Variants in ADAMTS10 observed in about 807,000 individuals in gnomAD.
The protein encoded by ADAMTS10 is ADAM metallopeptidase with thrombospondin type 1 motif 10.
Under a neutral mutation model 135.9 loss-of-function variants are expected in ADAMTS10, and 48 were observed. That is an observed-to-expected ratio of 0.35 (90% CI 0.28 to 0.45). ADAMTS10 has a LOEUF of 0.45. ADAMTS10 is among the 20% of genes least tolerant of loss of function. The probability of loss-of-function intolerance (pLI) is 1.00; values close to 1 mark genes in which losing one functional copy is unlikely to be tolerated. For missense variants in ADAMTS10, 1,131 were observed against 1,565.2 expected (o/e 0.72, Z 4.68); for synonymous variants, 621 against 647.5 (o/e 0.96, Z 0.62).
At chr19:8,584,109 A>T (rs375037924) in intron 25 of ADAMTS10, among the ~76,000 whole-genome samples, 1 of 147,292 alleles carries the variant, frequency 6.8e-6, no homozygotes, top group African/African-American at 2.5e-5. Context: ...GTGAGCCGAG[A>T]TCAGGTCACT....
chr19:8,604,482 T>A (rs191872751), intron 4 of ADAMTS10, among the ~76,000 whole-genome samples: 74 of 147,666 alleles, frequency 5.0e-4, no homozygotes, highest in South Asian at 1.7e-3. Flanking sequence ...ATATAAAAAA[T>A]ATATATATAT....
At chr19:8,582,106 T>C (rs1488927284) in intron 25 of ADAMTS10, among the ~76,000 whole-genome samples, 3 of 152,234 alleles carry the variant, frequency 2.0e-5, no homozygotes, top group Admixed American at 6.5e-5. Flanking sequence ...CTTTCCATTG[T>C]TCCTTTTCAT....
At chr19:8,588,292 C>T (rs1317113123) in intron 18 of ADAMTS10, among the ~76,000 whole-genome samples, 4 of 151,662 alleles carry the variant, frequency 2.6e-5, no homozygotes, top group African/African-American at 7.3e-5. Flanking sequence ...CCCTAGGTTG[C>T]CCAGGCTGGT....
Position 8,585,252 on chromosome 19 carries a change from T to C in ADAMTS10, c.2922A>G (p.Ala974=), listed in dbSNP as rs1013778945. The C allele has an allele frequency of 6.7e-7, 1 of 1,488,792 alleles. No homozygotes were observed. Among genetic ancestry groups the C allele is most frequent in the Non-Finnish European group, 8.9e-7 (1 of 1,117,430 alleles). The allele number at this position is 1,488,792 out of a possible 1,614,324, so 92.2% of individuals were successfully genotyped here. A position where few individuals can be genotyped will look rare whatever the true frequency, so the allele number is the denominator to read the frequency against. ...CCGGGGGCAGCGTGGCGCGGTGGTC[T>C]GCGCTCTTGCAAAGGACCACGCGGT... ...LRHRVVLCKS[A]DHRATLPPAH... is the part of the protein sequence containing the mutation. The change falls in exon 24 of 26, where the codon GCA becomes GCG. Residue 974 remains alanine (A), a synonymous_variant. Coordinates refer to ENST00000597188, the MANE Select transcript of ADAMTS10 (RefSeq NM_030957.4).
rs557808737 is a variant in ADAMTS10, at chr19:8,589,446, C to T, written c.2034+6G>A. On this transcript the variant is annotated splice_donor_region_variant and intron_variant, in intron 17 of 25. Coordinates refer to ENST00000597188, the MANE Select transcript of ADAMTS10 (RefSeq NM_030957.4). ...CCCTCTCCACCTCCCTGGGAGTCCC[C>T]TCCACCTTGCATTCGCCACTGACGC... The T allele has an allele frequency of 1.1e-5, 18 of 1,613,636 alleles. No individual in the cohort carries two copies. Among genetic ancestry groups the T allele is most frequent in the African/African-American group, 2.7e-5 (2 of 75,030 alleles).
At chr19:8,606,781 G>C (rs1555742674) in intron 2 of ADAMTS10, among the ~76,000 whole-genome samples, 2 of 152,140 alleles carry the variant, frequency 1.3e-5, no homozygotes, top group Non-Finnish European at 2.9e-5. Context: ...GTGGACGGGG[G>C]CATGACAGCC....
intron 25 of ADAMTS10, among the ~76,000 whole-genome samples, chr19:8,581,600 C>T (rs1555735888): frequency 6.6e-6 from 1 of 151,496 alleles, no homozygotes; most frequent in African/African-American, 2.4e-5. Context: ...TTTGGGAGGC[C>T]GAGGCAGGTG....
Position 8,589,573 on chromosome 19 carries a change from G to A in ADAMTS10, c.1913C>T (p.Ala638Val), listed in dbSNP as rs1555738350. The change falls in exon 17 of 26, where the codon GCC (alanine) becomes GTC (valine). Residue 638 changes from alanine (A) to valine (V), a missense_variant. By Grantham distance (64) the Ala-to-Val change is moderately conservative. This residue lies in a region of ADAMTS10 where 745 missense variants were observed against 1,056.3 expected (regional missense o/e 0.71). Transcript: ENST00000597188. The part of the protein sequence containing the change: ...WKTYRGGGVK[A>V]CSLTCLAEGF... ...TTCCGCTAGGCACGTGAGCGAGCAGGCCTTCACGCCCCCTGGGGGGCACGG... is the reference window on the plus strand; with the variant it reads ...TTCCGCTAGGCACGTGAGCGAGCAGACCTTCACGCCCCCTGGGGGGCACGG... 5 of 1,613,282 alleles carry A rather than the reference G, an allele frequency of 3.1e-6. No homozygotes were observed. The highest frequency in any genetic ancestry group is 1.7e-5 in the Admixed American group (1 of 59,998).
chr19:8,593,953 G>T (rs914906219), intron 12 of ADAMTS10, among the ~76,000 whole-genome samples: 9 of 152,196 alleles, frequency 5.9e-5, no homozygotes, highest in African/African-American at 2.2e-4. Context: ...CTGTACATAT[G>T]TAAGAAGCTG....
rs2042666064 is a variant in ADAMTS10 at position 8,601,168 on chromosome 19, T to G, written c.593-23A>C. ...CATCTGGGGAACCCAGTAGAGCAAT[T>G]AAGCCCTGCCCTGCTGGTGGGACGC... On this transcript the variant is annotated intron_variant, in intron 5 of 25. Coordinates refer to ENST00000597188, the MANE Select transcript of ADAMTS10 (RefSeq NM_030957.4). The surrounding 1 kb of genome is among the most constrained non-coding windows in gnomAD (Gnocchi z 4.6). 1 of 1,610,738 alleles carries G rather than the reference T, an allele frequency of 6.2e-7. No individual in the cohort carries two copies. Among genetic ancestry groups the G allele is most frequent in the Non-Finnish European group, 8.5e-7 (1 of 1,179,674 alleles).
intron 13 of ADAMTS10, chr19:8,592,318 G>T: frequency 1.1e-6 from 1 of 925,998 alleles, no homozygotes; most frequent in Non-Finnish European, 1.6e-6. Flanking sequence ...AGCACAGGGT[G>T]CTTAACGGGG....
chr19:8,600,559 C>T (rs1484448596), intron 6 of ADAMTS10, among the ~76,000 whole-genome samples: 9 of 143,934 alleles, frequency 6.3e-5, no homozygotes, highest in Admixed American at 2.1e-4. Flanking sequence ...AGTGCAGTGG[C>T]GTGATCTTGG....
chr19:8,601,303 A>G lies in ADAMTS10; in HGVS notation c.593-158T>C, dbSNP rs2042667224. ...TGCTGCCTTCTCTTGTTGTCCAGCT[A>G]CCTGTGTGATGGTCTGTCTGCCCAA... On this transcript the variant is annotated intron_variant, in intron 5 of 25. Transcript: ENST00000597188. This position sits in a 1 kb window ranked among gnomAD's most constrained non-coding sequence, Gnocchi z 4.6. 6.6e-6 allele frequency among the ~76,000 whole-genome samples: 1 copy of G among 150,968 alleles called. No homozygotes were observed. Among genetic ancestry groups the G allele is most frequent in the Admixed American group, 6.6e-5 (1 of 15,188 alleles).
chr19:8,599,309 A>G (rs1172306959), intron 6 of ADAMTS10, among the ~76,000 whole-genome samples: 1 of 144,096 alleles, frequency 6.9e-6, no homozygotes, highest in Non-Finnish European at 1.5e-5. Flanking sequence ...CTCAACGAGT[A>G]CCTGTGAGCT....
chr19:8,581,090 A>AG (rs1285553265), intron 25 of ADAMTS10, 88 bp from the exon 26 acceptor site: 4 of 630,882 alleles, frequency 6.3e-6, no homozygotes, highest in Non-Finnish European at 7.7e-6. Context: ...CTTCCTGGCC[A>AG]GTGACTTTCT....
chr19:8,586,053 C>A (rs949522594), intron 22 of ADAMTS10, 69 bp downstream of exon 22: 1 of 1,609,192 alleles, frequency 6.2e-7, no homozygotes. Flanking sequence ...CCCCCTGGAG[C>A]ACTCGCTCTT....
At chr19:8,603,366 C>T (rs1225749756) in intron 5 of ADAMTS10, among the ~76,000 whole-genome samples, 1 of 152,148 alleles carries the variant, frequency 6.6e-6, no homozygotes, top group Non-Finnish European at 1.5e-5. Flanking sequence ...CCTCTGCCTC[C>T]CGGGTTCAAG....
intron 25 of ADAMTS10, among the ~76,000 whole-genome samples, chr19:8,582,161 G>A (rs919632702): frequency 6.6e-5 from 10 of 151,926 alleles, no homozygotes; most frequent in Admixed American, 1.3e-4. Flanking sequence ...ATCCTCACTC[G>A]TTTTCTTTTT....
intron 2 of ADAMTS10, among the ~76,000 whole-genome samples, chr19:8,606,980 G>T (rs1211785314): frequency 6.6e-6 from 1 of 152,146 alleles, no homozygotes; most frequent in Non-Finnish European, 1.5e-5. Context: ...AGAGACAGGC[G>T]AAGGTGCACC....
Sources: allele counts gnomAD v4.1 joint callset (sites outside exome capture counted in the v4.1 genomes callset), GRCh38; gene constraint gnomAD v4.1.1; regional missense constraint gnomAD v4.1.1; non-coding constraint Gnocchi (gnomAD v3.1); transcripts MANE v1.5; gene names NCBI Gene and HGNC (gene_info 2026-07-23, HGNC 2026-07-21).